CLDN18: variants seen among roughly 807,000 people sequenced by gnomAD.
CLDN18 encodes the protein claudin 18.
Under a neutral mutation model 25.0 loss-of-function variants are expected in CLDN18, and 20 were observed. That is an observed-to-expected ratio of 0.80 (90% confidence interval 0.56 to 1.16). The LOEUF is 1.16. CLDN18 is among the 50% of genes most tolerant of loss of function. The probability of loss-of-function intolerance (pLI) is 0.00; values close to 1 mark genes in which losing one functional copy is unlikely to be tolerated. For synonymous variants in CLDN18, 125 were observed against 135.6 expected, an observed-to-expected ratio of 0.92 and a Z score of 0.54; for missense variants, 297 against 345.4, an observed-to-expected ratio of 0.86 and a Z score of 1.11.
chr3:138,027,515 C>T (rs868016315), intron 3 of CLDN18, among the ~76,000 whole-genome samples: 1 of 152,170 alleles, frequency 6.6e-6, no homozygotes, highest in Non-Finnish European at 1.5e-5. Context: ...CTGATGATAT[C>T]GTGTCCTTCC....
At chr3:138,018,216 G>C (rs1383231208) in intron 1 of CLDN18, among the ~76,000 whole-genome samples, 6 of 152,184 alleles carry the variant, frequency 3.9e-5, no homozygotes, top group Non-Finnish European at 4.4e-5. Context: ...CCAAGATCAA[G>C]GTGTCAGCAG....
chr3:138,029,737 A>G (rs1942364972), intron 3 of CLDN18, 60 bp from the exon 4 acceptor site: 1 of 993,338 alleles, frequency 1.0e-6, no homozygotes, highest in East Asian at 2.7e-5. Context: ...AGCCAGGTGC[A>G]GTGGGTGGAG....
At chr3:138,008,799 A>G (rs1014021473), upstream of CLDN18, among the ~76,000 whole-genome samples, 3 of 151,796 alleles carry the variant, frequency 2.0e-5, no homozygotes, top group Non-Finnish European at 2.9e-5. Flanking sequence ...GGTGGTATGC[A>G]TGTATAGTTC....
chr3:138,000,440 C>T (rs1217284653), intron 1 of CLDN18, among the ~76,000 whole-genome samples: 1 of 152,182 alleles, frequency 6.6e-6, no homozygotes, highest in East Asian at 1.9e-4. Flanking sequence ...AGAGAATGAC[C>T]TTGGCGGGAG....
At chr3:138,023,570 G>T in intron 1 of CLDN18, 88 bp from the exon 2 acceptor site, 2 of 1,342,768 alleles carry the variant, frequency 1.5e-6, no homozygotes, top group Non-Finnish European at 2.1e-6. Flanking sequence ...GGTTAGTTGT[G>T]GTTGCTTTGT....
intron 1 of CLDN18, among the ~76,000 whole-genome samples, chr3:138,012,135 G>C (rs1199490690): frequency 6.6e-6 from 1 of 152,080 alleles, no homozygotes; most frequent in East Asian, 1.9e-4. Flanking sequence ...GGGGAAATCT[G>C]TTGATCCTGA....
At chr3:138,014,402 T>A (rs1942179420) in intron 1 of CLDN18, among the ~76,000 whole-genome samples, 1 of 152,032 alleles carries the variant, frequency 6.6e-6, no homozygotes, top group African/African-American at 2.4e-5. Context: ...CTGTCGGTGG[T>A]AAGATTGTGG....
upstream of CLDN18, among the ~76,000 whole-genome samples, chr3:138,006,106 G>A (rs907211791): frequency 6.6e-6 from 1 of 152,100 alleles, no homozygotes; most frequent in Non-Finnish European, 1.5e-5. Context: ...CAAATATTTT[G>A]TCTAGGGCTT....
chr3:138,010,885 A>C (rs557107740), intron 1 of CLDN18, among the ~76,000 whole-genome samples: 1 of 152,262 alleles, frequency 6.6e-6, no homozygotes, highest in East Asian at 1.9e-4. Context: ...TTCCATTTCA[A>C]TTAAATTTTT....
Position 138,023,634 on chromosome 3 carries a change from T to C in CLDN18, c.221-24T>C, listed in dbSNP as rs780912402. The C allele has an allele frequency of 4.4e-6, 7 of 1,608,658 alleles. No individual in the cohort carries two copies. In the African/African-American group the frequency reaches 9.4e-5, roughly 21 times the overall value. ...GCTGAGTTGGTCTTATTTGTCTGCT[T>C]GTGTCTTGCCCCTTGTCCCACAGCC... On this transcript the variant is annotated intron_variant, in intron 1 of 4. Coordinates refer to ENST00000183605, the MANE Select transcript of CLDN18 (RefSeq NM_016369.4).
At chr3:138,019,747 GA>G (rs200277592) in intron 1 of CLDN18, among the ~76,000 whole-genome samples, 18 of 152,012 alleles carry the variant, frequency 1.2e-4, no homozygotes, top group African/African-American at 3.9e-4. Context: ...AGCCTGTGTT[GA>G]AAAAAAACCA....
intron 4 of CLDN18, 100 bp downstream of exon 4, chr3:138,030,007 G>A (rs1363259283): frequency 2.7e-6 from 2 of 731,008 alleles, no homozygotes; most frequent in African/African-American, 3.6e-5. Context: ...TAGGTATATG[G>A]ATGAACTTTA....
intron 1 of CLDN18, among the ~76,000 whole-genome samples, chr3:138,001,394 T>TTC (rs397777455): frequency 2.0e-5 from 3 of 151,234 alleles, no homozygotes; most frequent in African/African-American, 7.3e-5. Flanking sequence ...TTTTTTTTTT[T>TTC]CGCATTTTTA....
At chr3:138,023,545 C>A in intron 1 of CLDN18, 113 bp from the exon 2 acceptor site, 1 of 988,632 alleles carries the variant, frequency 1.0e-6, no homozygotes, top group Non-Finnish European at 1.5e-6. Flanking sequence ...TGCTGTCTCT[C>A]AGAGGTTTGG....
chr3:138,016,643 A>T (rs1942207492), intron 1 of CLDN18, among the ~76,000 whole-genome samples: 1 of 152,178 alleles, frequency 6.6e-6, no homozygotes, highest in African/African-American at 2.4e-5. Flanking sequence ...AATTTGGTAA[A>T]GTGGTAAGCC....
intron 3 of CLDN18, among the ~76,000 whole-genome samples, chr3:138,028,316 C>G (rs1942350853): frequency 6.6e-6 from 1 of 152,198 alleles, no homozygotes. Flanking sequence ...CTGCCTGCCT[C>G]GGCCTCCCAA....
At chr3:138,025,240 G>C (rs1942313031) in intron 3 of CLDN18, among the ~76,000 whole-genome samples, 1 of 152,152 alleles carries the variant, frequency 6.6e-6, no homozygotes, top group African/African-American at 2.4e-5. Flanking sequence ...GACATGTTCA[G>C]AGTGCTGGAG....
At chr3:138,009,665 C>CA (rs1320556400), upstream of CLDN18, among the ~76,000 whole-genome samples, 2 of 152,076 alleles carry the variant, frequency 1.3e-5, no homozygotes, top group African/African-American at 4.8e-5. Flanking sequence ...GACTCACCCC[C>CA]AAAAAATGGG....
chr3:138,001,011 A>T (rs1265186089), intron 1 of CLDN18, among the ~76,000 whole-genome samples: 1 of 152,264 alleles, frequency 6.6e-6, no homozygotes, highest in African/African-American at 2.4e-5. Context: ...ATGACAAATC[A>T]TGCACTAGCA....
Sources: allele counts gnomAD v4.1 joint callset (sites outside exome capture counted in the v4.1 genomes callset), GRCh38; gene constraint gnomAD v4.1.1; transcripts MANE v1.5; gene names NCBI Gene and HGNC (gene_info 2026-07-23, HGNC 2026-07-21).